Variants in CDH4 observed in about 807,000 individuals in gnomAD.
CDH4 encodes cadherin 4.
Under a neutral mutation model 86.0 loss-of-function variants are expected in CDH4, and 33 were observed. The ratio of observed to expected loss-of-function variants is 0.38; its 90% CI spans 0.29 to 0.51. CDH4 has a LOEUF of 0.51. CDH4 is among the 20% of genes least tolerant of loss of function. The pLI, the probability that CDH4 is intolerant of heterozygous loss-of-function variation, is 0.86. For synonymous variants in CDH4, 555 were observed against 549.4 expected (o/e 1.01, Z -0.14); for missense variants, 1,114 against 1,307.4 (o/e 0.85, Z 2.28).
chr20:61,668,256 G>A (rs1046039836), intron 2 of CDH4, among the ~76,000 whole-genome samples: 2 of 152,190 alleles, frequency 1.3e-5, no homozygotes, highest in African/African-American at 2.4e-5. Flanking sequence ...GGTGCAAATG[G>A]GTGTGTGCAT....
intron 2 of CDH4, among the ~76,000 whole-genome samples, chr20:61,346,675 C>A (rs953364378): frequency 6.6e-6 from 1 of 150,618 alleles, no homozygotes; most frequent in Non-Finnish European, 1.5e-5. Context: ...ACCCAGGAAG[C>A]GGAGGTTTCA....
intron 9 of CDH4, among the ~76,000 whole-genome samples, chr20:61,920,054 C>CACGGTGATTGTGTGGAAGCGTGTT (rs1568887689): frequency 1.3e-4 from 1 of 7,790 alleles, no homozygotes. Context: ...AGCATGGTAT[C>CACGGTGATTGTGTGGAAGCGTGTT]GTGATTGTGT....
chr20:61,582,008 A>ATGTGGGCGCCTCCTCAGGGCAGCC lies in CDH4; in HGVS notation c.170-161548_170-161525dup, dbSNP rs1446042053. Among the ~76,000 whole-genome samples the ATGTGGGCGCCTCCTCAGGGCAGCC allele has an allele frequency of 3.3e-5, 5 of 152,106 alleles. No individual in the cohort carries two copies. The highest frequency in any genetic ancestry group is 6.5e-5 in the Admixed American group (1 of 15,282). On this transcript the variant is annotated intron_variant, in intron 2 of 15. Transcript: ENST00000614565. This position sits in a 1 kb window ranked among gnomAD's most constrained non-coding sequence, Gnocchi z 4.2. ...GCTTTGCCCTCAAGTCTCAGCCATC[A>ATGTGGGCGCCTCCTCAGGGCAGCC]TGTGGGCGCCTCCTCAGGGCAGCCT...
At position 61,444,663 on chromosome 20, in the gene CDH4, C is replaced by A. The variant is rs575177657; in HGVS notation, c.169+189726C>A. ...TTTCTGCGTGTGTGTTTTTGTGTATCCGTATGTATATCTTTGTGTGTCTTT... is the reference window on the plus strand; with the variant it reads ...TTTCTGCGTGTGTGTTTTTGTGTATACGTATGTATATCTTTGTGTGTCTTT... On this transcript the variant is annotated intron_variant, in intron 2 of 15. Coordinates refer to ENST00000614565, the MANE Select transcript of CDH4 (RefSeq NM_001794.5). 2.3e-3 allele frequency among the ~76,000 whole-genome samples: 282 copies of A among 122,670 alleles called. 1 individual carries two copies. The highest frequency in any genetic ancestry group is 8.4e-3 in the African/African-American group (269 of 32,042). The allele number at this position is 122,670 out of a possible 152,430, so 80.5% of individuals were successfully genotyped here. A position where few individuals can be genotyped will look rare whatever the true frequency, so the allele number is the denominator to read the frequency against.
intron 4 of CDH4, among the ~76,000 whole-genome samples, chr20:61,798,198 C>T (rs1490091184): frequency 6.7e-6 from 1 of 149,854 alleles, no homozygotes; most frequent in African/African-American, 2.5e-5. Flanking sequence ...GGCCCTGCCC[C>T]GGGCTCTGTG....
intron 2 of CDH4, among the ~76,000 whole-genome samples, chr20:61,706,435 A>T (rs6061321): frequency 6.6e-6 from 1 of 152,044 alleles, no homozygotes; most frequent in Non-Finnish European, 1.5e-5. Context: ...CAACAATAAC[A>T]TGTGGGGCAC....
intron 2 of CDH4, chr20:61,570,165 A>G (rs2086331357): frequency 6.4e-6 from 1 of 157,400 alleles, no homozygotes; most frequent in Non-Finnish European, 1.4e-5. Flanking sequence ...GGAGCACTGT[A>G]GAAGGTTCTG....
intron 2 of CDH4, among the ~76,000 whole-genome samples, chr20:61,621,570 C>T (rs2086777596): frequency 6.6e-6 from 1 of 152,176 alleles, no homozygotes; most frequent in African/African-American, 2.4e-5. Flanking sequence ...CCGTCCTTCT[C>T]CGGGAGAACA....
intron 2 of CDH4, among the ~76,000 whole-genome samples, chr20:61,383,242 A>G (rs2084917220): frequency 8.9e-6 from 1 of 112,974 alleles, no homozygotes; most frequent in Admixed American, 1.0e-4. Flanking sequence ...ATGAATATAT[A>G]TGATTATATA....
intron 2 of CDH4, among the ~76,000 whole-genome samples, chr20:61,265,436 C>T (rs897865465): frequency 1.3e-5 from 2 of 149,994 alleles, no homozygotes; most frequent in African/African-American, 4.9e-5. Flanking sequence ...TCATTCAGTC[C>T]TACACGGACT....
chr20:61,259,055 T>C (rs936093883), intron 2 of CDH4, among the ~76,000 whole-genome samples: 3 of 152,150 alleles, frequency 2.0e-5, no homozygotes, highest in Non-Finnish European at 2.9e-5. Context: ...CAGAACAGAA[T>C]TGGGGCTTTG....
At chr20:61,535,542 A>G (rs1484972100) in intron 2 of CDH4, among the ~76,000 whole-genome samples, 1 of 152,270 alleles carries the variant, frequency 6.6e-6, no homozygotes, top group East Asian at 1.9e-4. Context: ...GTTTTTAGAA[A>G]TAAATTACAT....
intron 2 of CDH4, among the ~76,000 whole-genome samples, chr20:61,594,182 G>T (rs1372614144): frequency 9.2e-6 from 1 of 109,038 alleles, no homozygotes; most frequent in Non-Finnish European, 2.0e-5. Context: ...GAAAGGGGGT[G>T]GGGGACTGAC....
chr20:61,882,814 C>T (rs369673578), intron 7 of CDH4, among the ~76,000 whole-genome samples: 220 of 152,188 alleles, frequency 1.4e-3, no homozygotes, highest in African/African-American at 4.8e-3. Context: ...GTGGCATGGG[C>T]CGCCCCAGCC....
At chr20:61,409,864 G>A (rs561393078) in intron 2 of CDH4, among the ~76,000 whole-genome samples, 1 of 152,312 alleles carries the variant, frequency 6.6e-6, no homozygotes, top group East Asian at 1.9e-4. Context: ...TTAACGGTTG[G>A]GGGGCTTATA....
At chr20:61,852,128 G>C (rs1982751131) in intron 5 of CDH4, among the ~76,000 whole-genome samples, 1 of 151,710 alleles carries the variant, frequency 6.6e-6, no homozygotes, top group South Asian at 2.1e-4. Context: ...CCTCTCCACG[G>C]ATCCCCCCAC....
At chr20:61,427,134 C>T (rs1360866525) in intron 2 of CDH4, among the ~76,000 whole-genome samples, 1 of 152,232 alleles carries the variant, frequency 6.6e-6, no homozygotes, top group African/African-American at 2.4e-5. Flanking sequence ...CAACCTTGAA[C>T]CCAGTTGCAC....
At chr20:61,583,303 G>C (rs1272248285) in intron 2 of CDH4, among the ~76,000 whole-genome samples, 1 of 143,126 alleles carries the variant, frequency 7.0e-6, no homozygotes, top group Non-Finnish European at 1.5e-5. Flanking sequence ...GGGGGACAGA[G>C]GGCTCTGTGG....
intron 2 of CDH4, among the ~76,000 whole-genome samples, chr20:61,601,806 T>C (rs1600797566): frequency 6.6e-6 from 1 of 152,326 alleles, no homozygotes; most frequent in East Asian, 1.9e-4. Context: ...AGTCCACCAG[T>C]CCTGGTGCCC....
Sources: allele counts gnomAD v4.1 joint callset (sites outside exome capture counted in the v4.1 genomes callset), GRCh38; gene constraint gnomAD v4.1.1; non-coding constraint Gnocchi (gnomAD v3.1); transcripts MANE v1.5; gene names NCBI Gene and HGNC (gene_info 2026-07-23, HGNC 2026-07-21).